The following POU2F1 variants were observed in gnomAD, a reference collection of about 807,000 sequenced individuals.
POU2F1 encodes POU domain, class 2, transcription factor 1.
POU2F1 carries 16 observed loss-of-function variants against 84.9 expected under a neutral mutation model. The observed-to-expected ratio is 0.19, with a 90% CI of 0.13 to 0.29. The LOEUF (loss-of-function observed/expected upper bound fraction) is 0.29. Among genes scored for constraint, POU2F1 ranks in the 10% least tolerant of loss-of-function variants. The pLI is 1.00. For synonymous variants in POU2F1, 368 were observed against 368.3 expected (o/e 1.00, Z 0.01); for missense variants, 738 against 942.6 (o/e 0.78, Z 2.84).
intron 2 of POU2F1, 106 bp from the exon 3 acceptor site, chr1:167,365,361 A>G: frequency 1.4e-6 from 1 of 736,448 alleles, no homozygotes; most frequent in Non-Finnish European, 2.1e-6. Flanking sequence ...GTACTTAGAA[A>G]AGTACTTATG....
intron 15 of POU2F1, chr1:167,414,507 A>G (rs1650179894): frequency 1.0e-6 from 1 of 985,184 alleles, no homozygotes; most frequent in South Asian, 4.7e-5. Context: ...AATCCCTCAA[A>G]TCTACATGTA....
At chr1:167,260,172 C>T (rs1651453034) in intron 1 of POU2F1, among the ~76,000 whole-genome samples, 3 of 152,108 alleles carry the variant, frequency 2.0e-5, no homozygotes, top group African/African-American at 7.2e-5. Context: ...GCCACTGCAC[C>T]CGGCTAATTG....
chr1:167,410,539 G>A (rs998781017), intron 13 of POU2F1, among the ~76,000 whole-genome samples: 1 of 151,102 alleles, frequency 6.6e-6, no homozygotes. Flanking sequence ...TATTTTTAAC[G>A]GAGTCTTACT....
At chr1:167,281,729 C>T (rs1455585273) in intron 1 of POU2F1, among the ~76,000 whole-genome samples, 2 of 152,216 alleles carry the variant, frequency 1.3e-5, no homozygotes, top group Admixed American at 1.3e-4. Flanking sequence ...TACAGAAAAA[C>T]CTTTAGCCAA....
intron 1 of POU2F1, chr1:167,329,229 C>G: frequency 6.5e-7 from 1 of 1,542,750 alleles, no homozygotes; most frequent in Non-Finnish European, 8.8e-7. Context: ...AAACTGCTAC[C>G]TGTTTCTTCC....
chr1:167,276,165 A>G (rs889832022), intron 1 of POU2F1, among the ~76,000 whole-genome samples: 1 of 152,196 alleles, frequency 6.6e-6, no homozygotes, highest in Non-Finnish European at 1.5e-5. Context: ...AGTGAGATGA[A>G]ATCTCACGGC....
intron 1 of POU2F1, among the ~76,000 whole-genome samples, chr1:167,315,148 T>C (rs982614520): frequency 2.0e-5 from 3 of 152,210 alleles, no homozygotes; most frequent in African/African-American, 7.2e-5. Flanking sequence ...CAATTAAACC[T>C]CTTTTCTTAT....
At chr1:167,328,408 C>T (rs1409692036) in intron 1 of POU2F1, among the ~76,000 whole-genome samples, 2 of 152,180 alleles carry the variant, frequency 1.3e-5, no homozygotes, top group Non-Finnish European at 2.9e-5. Context: ...GGAAAATTCC[C>T]TATCAGTAGA....
chr1:167,346,246 A>G (rs567484422), intron 2 of POU2F1, among the ~76,000 whole-genome samples: 1 of 152,306 alleles, frequency 6.6e-6, no homozygotes, highest in East Asian at 1.9e-4. Flanking sequence ...AGACTTAACA[A>G]TTTAGCAAAC....
At chr1:167,250,075 T>G (rs1305996417) in intron 1 of POU2F1, among the ~76,000 whole-genome samples, 2 of 152,212 alleles carry the variant, frequency 1.3e-5, no homozygotes, top group East Asian at 3.8e-4. Flanking sequence ...CAAATTCTTT[T>G]GTGTGTCATT....
At chr1:167,334,474 G>A (rs918395914) in intron 2 of POU2F1, among the ~76,000 whole-genome samples, 1 of 152,150 alleles carries the variant, frequency 6.6e-6, no homozygotes, top group African/African-American at 2.4e-5. Flanking sequence ...CACAAAACCA[G>A]CCAGGAAATA....
Position 167,417,116 on chromosome 1 carries a change from G to C in POU2F1, c.*1306G>C, listed in dbSNP as rs1034382126. On this transcript the variant is annotated 3_prime_UTR_variant, in exon 16 of 16. Transcript: ENST00000367866. ...TATACAAAAGAGGTGTGATGAGAAGGGTATAAGGTTACCACCTTTTCCTCT... is the reference window on the plus strand; with the variant it reads ...TATACAAAAGAGGTGTGATGAGAAGCGTATAAGGTTACCACCTTTTCCTCT... 2.6e-5 allele frequency: 4 copies of C among 152,176 alleles called. No individual in the cohort carries two copies. The highest frequency in any genetic ancestry group is 4.1e-4 in the South Asian group (2 of 4,826). The allele number at this position is 152,176 out of a possible 1,614,324, so 9.4% of individuals were successfully genotyped here.
intron 4 of POU2F1, 58 bp downstream of exon 4, chr1:167,370,272 C>T: frequency 7.2e-7 from 1 of 1,391,626 alleles, no homozygotes; most frequent in Non-Finnish European, 9.9e-7. Context: ...TTATATTTTT[C>T]TGTAGTGAGC....
rs1411832876 is a variant in POU2F1 at position 167,418,114 on chromosome 1, T to C, written c.*2304T>C. 1 of 152,264 alleles carries C rather than the reference T, an allele frequency of 6.6e-6. No homozygotes were observed. Among genetic ancestry groups the C allele is most frequent in the Non-Finnish European group, 1.5e-5 (1 of 68,048 alleles). The allele number at this position is 152,264 out of a possible 1,614,324, so 9.4% of individuals were successfully genotyped here. A position where few individuals can be genotyped will look rare whatever the true frequency, so the allele number is the denominator to read the frequency against. ...CCAAAGTCAATTTTTAGCAAGCTGC[T>C]GTACTAATGGACTAGTTGATAACGT... is the stretch of plus-strand genomic sequence containing the variant. On this transcript the variant is annotated 3_prime_UTR_variant, in exon 16 of 16. Coordinates refer to ENST00000367866, the MANE Select transcript of POU2F1 (RefSeq NM_002697.4).
Position 167,425,801 on chromosome 1 carries a change from AG to A in POU2F1, c.*9992del, listed in dbSNP as rs1385803195. On this transcript the variant is annotated 3_prime_UTR_variant, in exon 16 of 16. Coordinates refer to ENST00000367866, the MANE Select transcript of POU2F1 (RefSeq NM_002697.4). The stretch of plus-strand genomic sequence containing the variant: ...TTTTCCTGTACTGGAACTGCTTGGA[AG>A]TGGCTGTCCTGTTTGTGAGAAAACA... 1 of 152,186 alleles carries A rather than the reference AG, an allele frequency of 6.6e-6. No homozygotes were observed. Among genetic ancestry groups the A allele is most frequent in the Non-Finnish European group, 1.5e-5 (1 of 68,038 alleles). 9.4% of individuals were successfully genotyped at this position (152,186 alleles called of 1,614,324 possible). A position where few individuals can be genotyped will look rare whatever the true frequency, so the allele number is the denominator to read the frequency against.
chr1:167,252,562 A>G (rs1250336284), intron 1 of POU2F1, among the ~76,000 whole-genome samples: 1 of 152,232 alleles, frequency 6.6e-6, no homozygotes, highest in East Asian at 1.9e-4. Flanking sequence ...CCAGCGCCCT[A>G]TTAAACTCCA....
Position 167,332,550 on chromosome 1 carries a change from A to T in POU2F1, c.127+15A>T, listed in dbSNP as rs1657144349. 1 of 1,578,796 alleles carries T rather than the reference A, an allele frequency of 6.3e-7. No individual in the cohort carries two copies. The highest frequency in any genetic ancestry group is 8.7e-7 in the Non-Finnish European group (1 of 1,148,438). On this transcript the variant is annotated intron_variant, in intron 2 of 15. Coordinates refer to ENST00000367866, the MANE Select transcript of POU2F1 (RefSeq NM_002697.4). The stretch of plus-strand genomic sequence containing the variant: ...TGGCAACACAGGTAAGAGTTTTCTG[A>T]TCTAGCTTTTTAATTAACTCTAGTA...
chr1:167,353,595 CCAGTACCTGA>C (rs1391926918), intron 2 of POU2F1, among the ~76,000 whole-genome samples: 3 of 152,144 alleles, frequency 2.0e-5, no homozygotes, highest in African/African-American at 7.2e-5. Context: ...CGCTGTCCCG[CCAGTACCTGA>C]CTTATGAAAG....
intron 2 of POU2F1, among the ~76,000 whole-genome samples, chr1:167,342,137 C>T (rs897001433): frequency 6.6e-6 from 1 of 152,114 alleles, no homozygotes; most frequent in African/African-American, 2.4e-5. Flanking sequence ...ACAGAAATAC[C>T]TGTTCCCATT....
Sources: allele counts gnomAD v4.1 joint callset (sites outside exome capture counted in the v4.1 genomes callset), GRCh38; gene constraint gnomAD v4.1.1; transcripts MANE v1.5; gene names NCBI Gene and HGNC (gene_info 2026-07-23, HGNC 2026-07-21).